LARP1B: variants seen among roughly 807,000 people sequenced by gnomAD.
The protein encoded by LARP1B is la-related protein 1B.
In LARP1B, 76 loss-of-function variants were observed where a neutral mutation model predicts 114.2. That is an observed-to-expected ratio of 0.67 (90% CI 0.55 to 0.81). The LOEUF is 0.81. Among genes scored for constraint, LARP1B ranks in the 30% least tolerant of loss-of-function variants. The pLI is 0.00. For synonymous variants in LARP1B, 345 were observed against 348.0 expected (o/e 0.99, Z 0.10); for missense variants, 1,014 against 1,075.8 (o/e 0.94, Z 0.80).
At chr4:128,143,717 A>AT (rs1453182191) in intron 11 of LARP1B, among the ~76,000 whole-genome samples, 1 of 152,088 alleles carries the variant, frequency 6.6e-6, no homozygotes, top group Admixed American at 6.6e-5. Flanking sequence ...ATGTATGAGT[A>AT]TATTGCACTC....
intron 15 of LARP1B, among the ~76,000 whole-genome samples, chr4:128,191,992 C>A (rs989428744): frequency 6.6e-6 from 1 of 152,094 alleles, no homozygotes; most frequent in African/African-American, 2.4e-5. Context: ...TTTTTCAGTT[C>A]TCTGTGGCTC....
At chr4:128,186,898 A>T (rs1482440027) in intron 15 of LARP1B, among the ~76,000 whole-genome samples, 1 of 152,134 alleles carries the variant, frequency 6.6e-6, no homozygotes, top group Non-Finnish European at 1.5e-5. Context: ...GCCCAGATAC[A>T]GCTTGGGGCT....
chr4:128,181,405 T>C, intron 15 of LARP1B, among the ~76,000 whole-genome samples: 1 of 152,132 alleles, frequency 6.6e-6, no homozygotes, highest in East Asian at 1.9e-4. Context: ...CTCCAACTGC[T>C]GACCTCAGGT....
At chr4:128,114,268 T>G (rs932190254) in intron 9 of LARP1B, among the ~76,000 whole-genome samples, 13 of 152,234 alleles carry the variant, frequency 8.5e-5, no homozygotes, top group African/African-American at 3.1e-4. Flanking sequence ...TCAGAGAACT[T>G]GACTTCCTAA....
chr4:128,162,281 CAAG>C lies in LARP1B; in HGVS notation c.1616_1618del (p.Glu539del). 6.2e-7 allele frequency: 1 copy of C among 1,613,134 alleles called. No individual in the cohort carries two copies. Among genetic ancestry groups the C allele is most frequent in the Non-Finnish European group, 8.5e-7 (1 of 1,179,326 alleles). ...ACCTGAACTTCCTTTTGAGCCAAACCAAGAAGTTCCTGTAGCACCTTCACAGTC... is the reference window on the plus strand; with the variant it reads ...ACCTGAACTTCCTTTTGAGCCAAACCAAGTTCCTGTAGCACCTTCACAGTC... On this transcript the variant is annotated inframe_deletion, in exon 12 of 20. Coordinates refer to ENST00000326639, the MANE Select transcript of LARP1B (RefSeq NM_018078.4).
chr4:128,107,706 T>TA, intron 9 of LARP1B: 1 of 1,442,206 alleles, frequency 6.9e-7, no homozygotes, highest in Non-Finnish European at 9.0e-7. Flanking sequence ...TTGTTACCAA[T>TA]ACGCTTTAAT....
intron 15 of LARP1B, among the ~76,000 whole-genome samples, chr4:128,194,524 T>C (rs1042925607): frequency 1.3e-5 from 2 of 151,174 alleles, no homozygotes; most frequent in African/African-American, 2.4e-5. Flanking sequence ...CTGCTAAAAA[T>C]ACACAAAAAT....
intron 5 of LARP1B, among the ~76,000 whole-genome samples, chr4:128,090,262 G>C (rs900126235): frequency 6.6e-6 from 1 of 151,810 alleles, no homozygotes; most frequent in African/African-American, 2.4e-5. Context: ...TAGTAGAGGC[G>C]GTATTTCAGT....
intron 11 of LARP1B, among the ~76,000 whole-genome samples, chr4:128,137,149 A>C (rs1725668789): frequency 4.6e-5 from 7 of 152,180 alleles, no homozygotes; most frequent in Admixed American, 4.6e-4. Flanking sequence ...TTTAATTAAA[A>C]AAACTCCCCC....
At chr4:128,137,770 CATATAT>C (rs745646919) in intron 11 of LARP1B, among the ~76,000 whole-genome samples, 2 of 141,320 alleles carry the variant, frequency 1.4e-5, no homozygotes, top group African/African-American at 2.7e-5. Flanking sequence ...TGTGTGTATA[CATATAT>C]ATATATATAT....
intron 6 of LARP1B, 36 bp from the exon 7 acceptor site, chr4:128,091,311 A>G (rs1561157877): frequency 5.7e-6 from 9 of 1,566,456 alleles, no homozygotes; most frequent in Non-Finnish European, 6.9e-6. Context: ...TTTTTCTAAT[A>G]TGTGATTACC....
intron 17 of LARP1B, among the ~76,000 whole-genome samples, chr4:128,204,226 T>C (rs1382017278): frequency 6.8e-6 from 1 of 146,632 alleles, no homozygotes; most frequent in Non-Finnish European, 1.5e-5. Flanking sequence ...TAAAGAGAGA[T>C]ACTGAGGCTT....
At chr4:128,075,534 C>A (rs963232365) in intron 3 of LARP1B, among the ~76,000 whole-genome samples, 4 of 150,982 alleles carry the variant, frequency 2.6e-5, no homozygotes, top group Non-Finnish European at 4.4e-5. Flanking sequence ...CCTATTATTT[C>A]TTTCTTTCTT....
chr4:128,107,046 C>T (rs186160433), intron 8 of LARP1B, 93 bp from the exon 9 acceptor site: 1 of 1,005,372 alleles, frequency 9.9e-7, no homozygotes, highest in African/African-American at 1.6e-5. Context: ...AATTAGTTTG[C>T]TAATTTCAGG....
At chr4:128,137,793 T>TATATATATATATATATA (rs1561370550) in intron 11 of LARP1B, among the ~76,000 whole-genome samples, 5 of 30,516 alleles carry the variant, frequency 1.6e-4, no homozygotes, top group African/African-American at 5.4e-4. Context: ...ATATATATAT[T>TATATATATATATATATA]TTTTTTTTAG....
chr4:128,134,398 T>A (rs1211616921), intron 11 of LARP1B, among the ~76,000 whole-genome samples: 2 of 152,186 alleles, frequency 1.3e-5, no homozygotes, highest in African/African-American at 4.8e-5. Context: ...TATCCACATG[T>A]AAAAGAAGGA....
At position 128,206,422 on chromosome 4, in the gene LARP1B, T is replaced by G. The variant is rs1182696165; in HGVS notation, c.2310-6T>G. On this transcript the variant is annotated splice_polypyrimidine_tract_variant and splice_region_variant and intron_variant, in intron 17 of 19. Transcript: ENST00000326639. The stretch of plus-strand genomic sequence containing the variant: ...TTATTATAAACCTTTTATTTTCTCT[T>G]TATAGGTATGGGTTAGAATGTCTGT... 2 of 1,532,056 alleles carry G rather than the reference T, an allele frequency of 1.3e-6. No individual in the cohort carries two copies. Among genetic ancestry groups the G allele is most frequent in the Non-Finnish European group, 1.8e-6 (2 of 1,125,840 alleles). 94.9% of individuals were successfully genotyped at this position (1,532,056 alleles called of 1,614,324 possible). A position where few individuals can be genotyped will look rare whatever the true frequency, so the allele number is the denominator to read the frequency against.
chr4:128,069,126 C>T, intron 1 of LARP1B: 1 of 1,088,032 alleles, frequency 9.2e-7, no homozygotes, highest in Non-Finnish European at 1.4e-6. Flanking sequence ...GCTCTTTCGG[C>T]CTGCAGATGG....
At chr4:128,075,560 T>C (rs994566145) in intron 3 of LARP1B, among the ~76,000 whole-genome samples, 38 of 151,618 alleles carry the variant, frequency 2.5e-4, no homozygotes, top group Non-Finnish European at 4.7e-4. Context: ...TTTTTTTTTT[T>C]CCTTTGAGAT....
Sources: allele counts gnomAD v4.1 joint callset (sites outside exome capture counted in the v4.1 genomes callset), GRCh38; gene constraint gnomAD v4.1.1; transcripts MANE v1.5; gene names NCBI Gene and HGNC (gene_info 2026-07-23, HGNC 2026-07-21).